SERAC1: variants seen among roughly 807,000 people sequenced by gnomAD.
The protein encoded by SERAC1 is protein SERAC1.
SERAC1 carries 36 observed loss-of-function variants against 85.7 expected under a neutral mutation model. The ratio of observed to expected loss-of-function variants is 0.42; its 90% CI spans 0.32 to 0.55. The LOEUF (loss-of-function observed/expected upper bound fraction) is 0.55. Among genes scored for constraint, SERAC1 ranks in the 20% least tolerant of loss-of-function variants. The pLI is 0.11. For missense variants in SERAC1, 629 were observed against 796.2 expected (o/e 0.79, Z 2.53); for synonymous variants, 242 against 265.3 (o/e 0.91, Z 0.85).
At chr6:158,123,098 A>G (rs770720727) in intron 10 of SERAC1, among the ~76,000 whole-genome samples, 3 of 152,232 alleles carry the variant, frequency 2.0e-5, no homozygotes, top group Non-Finnish European at 4.4e-5. Flanking sequence ...AACACAGGGC[A>G]AGTTAGCAGA....
Position 158,117,928 on chromosome 6 carries a change from G to T in SERAC1, c.1309-107C>A. 1.2e-6 allele frequency: 1 copy of T among 802,232 alleles called. No individual in the cohort carries two copies. The highest frequency in any genetic ancestry group is 2.0e-6 in the Non-Finnish European group (1 of 494,196). The allele number at this position is 802,232 out of a possible 1,614,324, so 49.7% of individuals were successfully genotyped here. Reference sequence around the variant, plus strand: ...AAAGGCCTCTTGCACTATAATTAAAGATAGCACTGGAATAAGGTTTGAAGG... The same window carrying T: ...AAAGGCCTCTTGCACTATAATTAAATATAGCACTGGAATAAGGTTTGAAGG... On this transcript the variant is annotated intron_variant, in intron 12 of 16. Coordinates refer to ENST00000647468, the MANE Select transcript of SERAC1 (RefSeq NM_032861.4). This position sits in a 1 kb window ranked among gnomAD's most constrained non-coding sequence, Gnocchi z 4.3.
At position 158,117,166 on chromosome 6, in the gene SERAC1, A is replaced by G. The variant is rs756764881; in HGVS notation, c.1403+561T>C. 3.0e-5 allele frequency: 6 copies of G among 198,526 alleles called. No homozygotes were observed. Among genetic ancestry groups the G allele is most frequent in the African/African-American group, 7.0e-5 (3 of 43,040 alleles). 12.3% of individuals were successfully genotyped at this position (198,526 alleles called of 1,614,324 possible). The stretch of plus-strand genomic sequence containing the variant: ...GGAGGTTCATTCAGAAAGCAGTTTG[A>G]TAACACTGATTTAGACCAACTCTGT... On this transcript the variant is annotated intron_variant, in intron 13 of 16. Transcript: ENST00000647468. The surrounding 1 kb of genome is among the most constrained non-coding windows in gnomAD (Gnocchi z 4.3).
chr6:158,155,760 T>TTA (rs1785315075), intron 2 of SERAC1, among the ~76,000 whole-genome samples: 1 of 152,214 alleles, frequency 6.6e-6, no homozygotes, highest in South Asian at 2.1e-4. Context: ...TACTGAAGGA[T>TTA]TATATTGTCA....
chr6:158,157,114 A>G (rs1400768597), intron 2 of SERAC1, among the ~76,000 whole-genome samples: 3 of 151,356 alleles, frequency 2.0e-5, no homozygotes, highest in Non-Finnish European at 2.9e-5. Flanking sequence ...CTCCTGCCTC[A>G]GCTTCCTGAG....
intron 6 of SERAC1, 83 bp downstream of exon 6, chr6:158,146,699 C>T (rs1015323932): frequency 2.3e-5 from 35 of 1,553,766 alleles, no homozygotes; most frequent in East Asian, 9.3e-5. Context: ...CGTGAGCCAC[C>T]GCACCTGGCC....
intron 6 of SERAC1, among the ~76,000 whole-genome samples, 190 bp from the exon 7 acceptor site, chr6:158,144,610 A>G (rs1785009136): frequency 6.6e-6 from 1 of 152,190 alleles, no homozygotes; most frequent in African/African-American, 2.4e-5. Flanking sequence ...CTGATCTCAC[A>G]ATTCTCCTCA....
chr6:158,127,424 C>T (rs1165306547), intron 10 of SERAC1, among the ~76,000 whole-genome samples: 1 of 32,296 alleles, frequency 3.1e-5, no homozygotes, highest in Non-Finnish European at 6.5e-5. Context: ...AGGTGAGGGG[C>T]GCCTCTGCCC....
rs879139695 is a variant in SERAC1, at chr6:158,109,982, G to C, written c.*1384C>G. The C allele has an allele frequency of 3.9e-5, 6 of 152,214 alleles. No individual in the cohort carries two copies. The South Asian group carries it at 1.2e-3, about 32-fold the overall frequency. The allele number at this position is 152,214 out of a possible 1,614,324, so 9.4% of individuals were successfully genotyped here. ...ACAGATTAGTGTTTACCGCAGGCTT[G>C]GGAAAGCAGAGGTGGGAACTGACTG... is the stretch of plus-strand genomic sequence containing the variant. On this transcript the variant is annotated 3_prime_UTR_variant, in exon 17 of 17. Coordinates refer to ENST00000647468, the MANE Select transcript of SERAC1 (RefSeq NM_032861.4).
intron 5 of SERAC1, 94 bp downstream of exon 5, chr6:158,148,771 A>C: frequency 1.1e-6 from 1 of 883,366 alleles, no homozygotes; most frequent in Non-Finnish European, 1.7e-6. Flanking sequence ...TATAAAAAAT[A>C]TTAGTATAAG....
chr6:158,115,876 G>A (rs1784274986), intron 14 of SERAC1, among the ~76,000 whole-genome samples: 2 of 152,206 alleles, frequency 1.3e-5, no homozygotes, highest in African/African-American at 2.4e-5. Flanking sequence ...GCATGTTGAC[G>A]AGGTGGGTGT....
chr6:158,155,585 C>A (rs1785310803), intron 2 of SERAC1, among the ~76,000 whole-genome samples: 1 of 152,120 alleles, frequency 6.6e-6, no homozygotes, highest in Admixed American at 6.6e-5. Flanking sequence ...TCATACCTCC[C>A]CTTTCTCCAC....
chr6:158,143,335 CTCTCTCTCTCTCTATA>C (rs1163896961), intron 7 of SERAC1, 151 bp from the exon 8 acceptor site: 63 of 135,070 alleles, frequency 4.7e-4, no homozygotes, highest in African/African-American at 3.8e-3. Flanking sequence ...CTCTCTCTCT[CTCTCTCTCTCTCTATA>C]TATATATATA....
At position 158,117,914 on chromosome 6, in the gene SERAC1, G is replaced by T; in HGVS notation, c.1309-93C>A. 1 of 921,850 alleles carries T rather than the reference G, an allele frequency of 1.1e-6. No homozygotes were observed. Among genetic ancestry groups the T allele is most frequent in the Non-Finnish European group, 1.7e-6 (1 of 587,352 alleles). 57.1% of individuals were successfully genotyped at this position (921,850 alleles called of 1,614,324 possible). A position where few individuals can be genotyped will look rare whatever the true frequency, so the allele number is the denominator to read the frequency against. ...TCAAATTTATAACTAAAGGCCTCTT[G>T]CACTATAATTAAAGATAGCACTGGA... On this transcript the variant is annotated intron_variant, in intron 12 of 16. Coordinates refer to ENST00000647468, the MANE Select transcript of SERAC1 (RefSeq NM_032861.4). This position sits in a 1 kb window ranked among gnomAD's most constrained non-coding sequence, Gnocchi z 4.3.
At chr6:158,115,083 T>A (rs1470700173) in intron 14 of SERAC1, 112 bp from the exon 15 acceptor site, 4 of 1,208,848 alleles carry the variant, frequency 3.3e-6, no homozygotes, top group East Asian at 4.7e-5. Flanking sequence ...GCTTTCTTTT[T>A]AAAAAAAATG....
chr6:158,119,023 C>CTA lies in SERAC1; in HGVS notation c.1308+5_1308+6insTA, dbSNP rs1325488400. The CTA allele has an allele frequency of 6.2e-7, 1 of 1,610,522 alleles. No individual in the cohort carries two copies. The highest frequency in any genetic ancestry group is 1.3e-5 in the African/African-American group (1 of 74,802). On this transcript the variant is annotated splice_donor_region_variant and intron_variant, in intron 12 of 16. Transcript: ENST00000647468. This position sits in a 1 kb window ranked among gnomAD's most constrained non-coding sequence, Gnocchi z 4.5. ...CAACCAGGGCCAGAGTCAGTGGCTC[C>CTA]CTTACCTTGGGCCAGCACGTCGTAT...
chr6:158,111,355 G>C lies in SERAC1; in HGVS notation c.*11C>G. On this transcript the variant is annotated 3_prime_UTR_variant, in exon 17 of 17. Transcript: ENST00000647468. ...CTGAATTCACATATGAAAACTGGAA[G>C]AGCACAACTGTTAGTTTTCAAGGTC... 1 of 1,572,992 alleles carries C rather than the reference G, an allele frequency of 6.4e-7. No individual in the cohort carries two copies. Among genetic ancestry groups the C allele is most frequent in the South Asian group, 1.2e-5 (1 of 84,024 alleles).
chr6:158,115,929 G>A (rs1235237595), intron 14 of SERAC1, among the ~76,000 whole-genome samples: 1 of 152,226 alleles, frequency 6.6e-6, no homozygotes. Flanking sequence ...TTACCGCTAT[G>A]TGAAAGCACT....
chr6:158,124,751 ACACACAC>A (rs1784499101), intron 10 of SERAC1, among the ~76,000 whole-genome samples: 1 of 35,734 alleles, frequency 2.8e-5, no homozygotes, highest in Non-Finnish European at 6.5e-5. Flanking sequence ...GCTGGAAAAC[ACACACAC>A]ACACACACAC....
chr6:158,131,873 C>G (rs906893670), intron 8 of SERAC1, among the ~76,000 whole-genome samples: 10 of 152,118 alleles, frequency 6.6e-5, no homozygotes, highest in African/African-American at 2.4e-4. Flanking sequence ...TACAGTTGTA[C>G]AATGGAATGC....
Sources: gnomAD v4.1 joint callset for allele counts (sites outside exome capture counted in the v4.1 genomes callset) on GRCh38, gnomAD v4.1.1 for gene constraint, Gnocchi (gnomAD v3.1) non-coding constraint, MANE v1.5 for transcripts, NCBI Gene and HGNC (gene_info 2026-07-23, HGNC 2026-07-21) for gene names.